The following RNLS variants were observed in gnomAD, a reference collection of about 807,000 sequenced individuals.
RNLS encodes the protein renalase, FAD dependent amine oxidase.
In RNLS, 39 loss-of-function variants were observed where a neutral mutation model predicts 39.8. The observed-to-expected ratio is 0.98, with a 90% CI of 0.76 to 1.28. The LOEUF (loss-of-function observed/expected upper bound fraction) is 1.28. RNLS is among the 50% of genes most tolerant of loss of function. The pLI is 0.00. For synonymous variants in RNLS, 147 were observed against 150.7 expected, an observed-to-expected ratio of 0.98 and a Z score of 0.18; for missense variants, 410 against 413.3, an observed-to-expected ratio of 0.99 and a Z score of 0.07.
At chr10:88,173,469 T>C in the RNLS span, among the ~76,000 whole-genome samples, 1 of 152,240 alleles carries the variant, frequency 6.6e-6, no homozygotes, top group Non-Finnish European at 1.5e-5. Context: ...CTATTCATGG[T>C]TAATTGTTTC....
intron 6 of RNLS, among the ~76,000 whole-genome samples, chr10:88,276,682 G>A (rs1842825196): frequency 1.3e-5 from 2 of 152,090 alleles, no homozygotes; most frequent in South Asian, 4.1e-4. Flanking sequence ...TGTCATAATA[G>A]CAGATGAAAG....
intron 4 of RNLS, among the ~76,000 whole-genome samples, chr10:88,561,800 C>T (rs1015787983): frequency 1.3e-5 from 2 of 152,004 alleles, no homozygotes; most frequent in East Asian, 3.9e-4. Flanking sequence ...TACTATATTA[C>T]AAATATTGAT....
chr10:88,228,553 G>A, the RNLS span, among the ~76,000 whole-genome samples: 1 of 152,220 alleles, frequency 6.6e-6, no homozygotes, highest in Admixed American at 6.5e-5. Flanking sequence ...GGTGAATACA[G>A]TAATGCATTC....
intron 4 of RNLS, among the ~76,000 whole-genome samples, chr10:88,547,200 T>C (rs1251633188): frequency 6.6e-6 from 1 of 152,244 alleles, no homozygotes; most frequent in Non-Finnish European, 1.5e-5. Flanking sequence ...ACTTTTAAGT[T>C]ATTTTCCCTC....
At chr10:88,209,500 T>C in the RNLS span, among the ~76,000 whole-genome samples, 1 of 152,152 alleles carries the variant, frequency 6.6e-6, no homozygotes, top group African/African-American at 2.4e-5. Context: ...CAAGGAAGGA[T>C]TCTCTTCAAG....
chr10:88,536,611 C>A (rs556616449), intron 4 of RNLS, among the ~76,000 whole-genome samples: 4 of 152,172 alleles, frequency 2.6e-5, no homozygotes, highest in African/African-American at 4.8e-5. Flanking sequence ...GCCTGCTCTG[C>A]GTCACACTGG....
chr10:88,266,591 G>T, the RNLS span, among the ~76,000 whole-genome samples: 5 of 152,138 alleles, frequency 3.3e-5, no homozygotes, highest in African/African-American at 1.2e-4. Context: ...AGTTGTGGGT[G>T]GGACTTGGTC....
At chr10:88,408,882 A>C (rs1261991735) in intron 4 of RNLS, among the ~76,000 whole-genome samples, 3 of 152,148 alleles carry the variant, frequency 2.0e-5, no homozygotes, top group Non-Finnish European at 4.4e-5. Flanking sequence ...TTAGCAAATT[A>C]TATTTCTCTA....
chr10:88,197,051 T>C, the RNLS span, among the ~76,000 whole-genome samples: 1 of 152,212 alleles, frequency 6.6e-6, no homozygotes, highest in Admixed American at 6.5e-5. Context: ...TCCATGGCAT[T>C]GAGCTTGTAC....
At chr10:88,221,286 A>G in the RNLS span, among the ~76,000 whole-genome samples, 716 of 152,318 alleles carry the variant, frequency 4.7e-3, 5 homozygotes, top group African/African-American at 0.017. Flanking sequence ...CATTTTGTCA[A>G]GTTTTACTGA....
At chr10:88,174,495 T>C in the RNLS span, among the ~76,000 whole-genome samples, 1 of 152,222 alleles carries the variant, frequency 6.6e-6, no homozygotes, top group East Asian at 1.9e-4. Context: ...TCACAGGCTT[T>C]TTCGGCATCT....
In RNLS at chr10:88,362,674, C is replaced by T. The variant is rs556716831; in HGVS notation, c.578G>A (p.Arg193Gln). 14 of 1,613,870 alleles carry T rather than the reference C, an allele frequency of 8.7e-6. No homozygotes were observed. Among genetic ancestry groups the T allele is most frequent in the Middle Eastern group, 1.7e-4 (1 of 6,056 alleles). The stretch of plus-strand genomic sequence containing the variant: ...TTCATAAAAGAGGCCCAGAGCATAT[C>T]GAGAGGAGTAGCTCACAGCCTCCAG... Reference protein sequence around the residue: ...QQLEAVSYSSRYALGLFYEAG... With the variant: ...QQLEAVSYSSQYALGLFYEAG... Residue 193 changes from arginine to glutamine, a missense_variant, in exon 5 of 7, where the codon CGA becomes CAA. Physicochemically the swap from Arg to Gln is conservative, Grantham distance 43. Transcript: ENST00000331772.
chr10:88,495,025 A>G (rs1392599079), intron 4 of RNLS, among the ~76,000 whole-genome samples: 2 of 152,124 alleles, frequency 1.3e-5, no homozygotes, highest in African/African-American at 4.8e-5. Context: ...TAATTCAGCA[A>G]CTACTTTGAA....
At position 88,336,351 on chromosome 10, in the gene RNLS, G is replaced by A. The variant is rs944681019; in HGVS notation, c.701-21710C>T. Among the ~76,000 whole-genome samples the A allele has an allele frequency of 3.9e-5, 6 of 152,262 alleles. No homozygotes were observed. In the East Asian group the frequency reaches 5.8e-4, roughly 15 times the overall value. On this transcript the variant is annotated intron_variant, in intron 5 of 6. Coordinates refer to ENST00000331772, the MANE Select transcript of RNLS (RefSeq NM_001031709.3). ...GGAAGGGAAGTTTTAAAACTAATAC[G>A]CATGTATGTTTGTAATCGTTGTTAT...
chr10:88,573,119 G>A (rs1342693914), intron 3 of RNLS, 58 bp from the exon 4 acceptor site: 1 of 1,526,806 alleles, frequency 6.5e-7, no homozygotes, highest in Non-Finnish European at 9.0e-7. Context: ...GAATAAAGGG[G>A]ATGTGAGTAG....
chr10:88,561,374 C>G (rs1003920772), intron 4 of RNLS, among the ~76,000 whole-genome samples: 1 of 151,990 alleles, frequency 6.6e-6, no homozygotes, highest in Non-Finnish European at 1.5e-5. Flanking sequence ...TGGAACAGAA[C>G]AGATATCCAG....
At chr10:88,365,804 TGA>T (rs1850047364) in intron 4 of RNLS, among the ~76,000 whole-genome samples, 1 of 151,280 alleles carries the variant, frequency 6.6e-6, no homozygotes, top group Non-Finnish European at 1.5e-5. Context: ...AAGAGGAGGG[TGA>T]GAGAGAGGAA....
intron 4 of RNLS, among the ~76,000 whole-genome samples, chr10:88,516,274 G>A (rs1042018256): frequency 6.6e-6 from 1 of 152,050 alleles, no homozygotes; most frequent in Non-Finnish European, 1.5e-5. Context: ...CTGGACATTA[G>A]AGGAATACAG....
intron 6 of RNLS, among the ~76,000 whole-genome samples, chr10:88,312,051 G>A (rs1845423838): frequency 6.6e-6 from 1 of 152,208 alleles, no homozygotes; most frequent in Non-Finnish European, 1.5e-5. Context: ...GGAGGGTGTG[G>A]CAGGCAGAAG....
Sources: allele counts gnomAD v4.1 joint callset (sites outside exome capture counted in the v4.1 genomes callset), GRCh38; gene constraint gnomAD v4.1.1; transcripts MANE v1.5; gene names NCBI Gene and HGNC (gene_info 2026-07-23, HGNC 2026-07-21).